PARD3B: variants seen among roughly 807,000 people sequenced by gnomAD.
The protein encoded by PARD3B is par-3 family cell polarity regulator beta.
PARD3B carries 103 observed loss-of-function variants against 130.2 expected under a neutral mutation model. The observed-to-expected ratio is 0.79, with a 90% CI of 0.67 to 0.93. The LOEUF (loss-of-function observed/expected upper bound fraction) is 0.93, where lower values mean the gene tolerates loss of function less well. Among genes scored for constraint, PARD3B ranks in the 40% least tolerant of loss-of-function variants. The pLI is 0.00. For missense variants in PARD3B, 1,609 were observed against 1,499.2 expected, an observed-to-expected ratio of 1.07 and a Z score of -1.21; for synonymous variants, 583 against 553.2, an observed-to-expected ratio of 1.05 and a Z score of -0.76.
intron 3 of PARD3B, among the ~76,000 whole-genome samples, chr2:204,981,928 G>A (rs1308888999): frequency 1.3e-5 from 2 of 151,910 alleles, no homozygotes; most frequent in South Asian, 4.2e-4. Context: ...TTTTAGCAGG[G>A]AGTCTATCAA....
intron 3 of PARD3B, among the ~76,000 whole-genome samples, chr2:204,966,479 T>C (rs1248072786): frequency 6.6e-6 from 1 of 152,190 alleles, no homozygotes; most frequent in African/African-American, 2.4e-5. Context: ...GCATAATGGA[T>C]GCCTTTTTAT....
chr2:204,761,804 T>G (rs897813525), intron 2 of PARD3B, among the ~76,000 whole-genome samples: 1 of 152,122 alleles, frequency 6.6e-6, no homozygotes, highest in African/African-American at 2.4e-5. Context: ...AACAGTGATT[T>G]ATCTGACATG....
At chr2:205,310,326 A>G (rs2042335917) in intron 18 of PARD3B, among the ~76,000 whole-genome samples, 1 of 151,836 alleles carries the variant, frequency 6.6e-6, no homozygotes, top group South Asian at 2.1e-4. Context: ...TGACCTCATG[A>G]TCGCCTGCCT....
intron 4 of PARD3B, among the ~76,000 whole-genome samples, chr2:205,102,068 A>T (rs963120448): frequency 6.6e-6 from 1 of 152,182 alleles, no homozygotes; most frequent in African/African-American, 2.4e-5. Flanking sequence ...TCTTAAGGCA[A>T]TCCTTTAGAT....
At chr2:205,202,436 T>C (rs944182558) in intron 15 of PARD3B, among the ~76,000 whole-genome samples, 2 of 152,218 alleles carry the variant, frequency 1.3e-5, no homozygotes, top group African/African-American at 4.8e-5. Flanking sequence ...GAATTTGACT[T>C]TGTATTCATT....
In PARD3B at chr2:205,361,219, G is replaced by A. The variant is rs763921316; in HGVS notation, c.2631-39794G>A. Among the ~76,000 whole-genome samples the A allele has an allele frequency of 2.6e-5, 4 of 152,172 alleles. No individual in the cohort carries two copies. The South Asian group carries it at 6.2e-4, about 24-fold the overall frequency. On this transcript the variant is annotated intron_variant, in intron 18 of 22. Transcript: ENST00000406610. ...ACTCAGGTACTTGGTTTTTGTATCT[G>A]CACATTCATCTCTGCAGGACAGTAT...
At chr2:204,946,872 GT>G (rs1206006244) in intron 2 of PARD3B, among the ~76,000 whole-genome samples, 1 of 152,154 alleles carries the variant, frequency 6.6e-6, no homozygotes, top group Non-Finnish European at 1.5e-5. Context: ...AGGAGCTCAT[GT>G]TCCAGTCCCT....
chr2:205,225,242 CTT>C (rs1026784426), intron 15 of PARD3B, among the ~76,000 whole-genome samples: 1 of 152,118 alleles, frequency 6.6e-6, no homozygotes, highest in African/African-American at 2.4e-5. Flanking sequence ...TGAGGGTTCC[CTT>C]TTCTCCACAT....
chr2:205,383,886 G>A (rs2045569981), intron 18 of PARD3B, among the ~76,000 whole-genome samples: 1 of 151,980 alleles, frequency 6.6e-6, no homozygotes, highest in Non-Finnish European at 1.5e-5. Flanking sequence ...GTATACTGTT[G>A]CATGGGTGTT....
intron 6 of PARD3B, among the ~76,000 whole-genome samples, chr2:205,114,974 G>A (rs191081545): frequency 1.1e-4 from 17 of 152,192 alleles, no homozygotes; most frequent in Admixed American, 9.2e-4. Flanking sequence ...AAATTCTAAT[G>A]ACTTTTGGCA....
chr2:205,115,062 G>T (rs1703930909), intron 6 of PARD3B, among the ~76,000 whole-genome samples: 1 of 152,152 alleles, frequency 6.6e-6, no homozygotes, highest in Non-Finnish European at 1.5e-5. Flanking sequence ...AGGTGGGATA[G>T]AGCACAAGAT....
chr2:204,832,610 A>G (rs746787912), intron 2 of PARD3B, among the ~76,000 whole-genome samples: 1 of 152,172 alleles, frequency 6.6e-6, no homozygotes, highest in Non-Finnish European at 1.5e-5. Flanking sequence ...ACATAAGAGA[A>G]GACTGGCATG....
chr2:204,577,457 C>G (rs1474213628), intron 1 of PARD3B, among the ~76,000 whole-genome samples: 1 of 152,232 alleles, frequency 6.6e-6, no homozygotes. Context: ...GCCTGTCTGG[C>G]TCATGTTGCA....
intron 19 of PARD3B, among the ~76,000 whole-genome samples, chr2:205,429,738 C>T (rs2047264939): frequency 6.6e-6 from 1 of 152,156 alleles, no homozygotes; most frequent in African/African-American, 2.4e-5. Flanking sequence ...CATAGGGCCG[C>T]CATTTAACAG....
chr2:205,426,219 GT>G (rs1559082215), intron 19 of PARD3B, among the ~76,000 whole-genome samples: 2 of 152,084 alleles, frequency 1.3e-5, no homozygotes, highest in Non-Finnish European at 2.9e-5. Context: ...AAGATTGCAT[GT>G]AACATTGTAT....
chr2:204,806,919 A>C (rs1198970548), intron 2 of PARD3B, among the ~76,000 whole-genome samples: 1 of 152,168 alleles, frequency 6.6e-6, no homozygotes, highest in Non-Finnish European at 1.5e-5. Context: ...GCCTATTTTC[A>C]TACTGCTATG....
chr2:204,838,852 A>C (rs2044156494), intron 2 of PARD3B, among the ~76,000 whole-genome samples: 1 of 152,196 alleles, frequency 6.6e-6, no homozygotes. Context: ...GTATCAATAC[A>C]CAATGAAATA....
chr2:204,799,468 A>G lies in PARD3B; in HGVS notation c.222+113186A>G, dbSNP rs1442848138. Reference sequence around the variant, plus strand: ...ACCTCATTACCCTGACGGGGACACAAGCCTCTCTGGGTTTCCCATCTGCTC... The same window carrying G: ...ACCTCATTACCCTGACGGGGACACAGGCCTCTCTGGGTTTCCCATCTGCTC... On this transcript the variant is annotated intron_variant, in intron 2 of 22. Transcript: ENST00000406610. This position sits in a 1 kb window ranked among gnomAD's most constrained non-coding sequence, Gnocchi z 4.1. Among the ~76,000 whole-genome samples the G allele has an allele frequency of 6.6e-6, 1 of 152,176 alleles. No homozygotes were observed. Among genetic ancestry groups the G allele is most frequent in the Non-Finnish European group, 1.5e-5 (1 of 68,034 alleles).
chr2:204,558,466 C>T (rs1372184983), intron 1 of PARD3B, among the ~76,000 whole-genome samples: 1 of 152,092 alleles, frequency 6.6e-6, no homozygotes, highest in African/African-American at 2.4e-5. Flanking sequence ...AATATAATAC[C>T]TAGGAATCCC....
Sources: allele counts gnomAD v4.1 joint callset (sites outside exome capture counted in the v4.1 genomes callset), GRCh38; gene constraint gnomAD v4.1.1; non-coding constraint Gnocchi (gnomAD v3.1); transcripts MANE v1.5; gene names NCBI Gene and HGNC (gene_info 2026-07-23, HGNC 2026-07-21).